The following BRF1 variants were observed in gnomAD, a reference collection of about 807,000 sequenced individuals.
BRF1 encodes BRF1 general transcription factor IIIB subunit.
A neutral mutation model predicts 81.7 loss-of-function variants in BRF1; 59 were observed. That is an observed-to-expected ratio of 0.72 (90% confidence interval 0.59 to 0.90). The LOEUF (loss-of-function observed/expected upper bound fraction) is 0.90. BRF1 is among the 40% of genes least tolerant of loss of function. The pLI is 0.00. For missense variants in BRF1, 1,050 were observed against 936.3 expected (o/e 1.12, Z -1.58); for synonymous variants, 491 against 395.6 (o/e 1.24, Z -2.86).
chr14:105,250,739 T>C (rs2055557901), intron 5 of BRF1: 6 of 1,475,382 alleles, frequency 4.1e-6, no homozygotes, highest in Non-Finnish European at 5.5e-6. Flanking sequence ...TAACTGCTTC[T>C]TGACACCATG....
intron 5 of BRF1, among the ~76,000 whole-genome samples, chr14:105,245,991 T>C (rs146870758): frequency 1.5e-4 from 23 of 152,286 alleles, no homozygotes; most frequent in African/African-American, 5.3e-4. Flanking sequence ...TCCTATAGAA[T>C]GGAAGAGACT....
chr14:105,294,286 T>G (rs963848423), intron 1 of BRF1, among the ~76,000 whole-genome samples: 1 of 152,218 alleles, frequency 6.6e-6, no homozygotes, highest in African/African-American at 2.4e-5. Flanking sequence ...AGAGTGTGCC[T>G]GGGCTCAGAG....
At position 105,210,650 on chromosome 14, in the gene BRF1, C is replaced by CT; in HGVS notation, c.1997-63_1997-62insA. 6.3e-7 allele frequency: 1 copy of CT among 1,580,250 alleles called. No homozygotes were observed. The highest frequency in any genetic ancestry group is 8.6e-7 in the Non-Finnish European group (1 of 1,160,512). ...GTGGGACCCAGGAGCCCAGACCCCC[C>CT]AACCCGCCCTGTTCCTGGTGCCCCC... On this transcript the variant is annotated intron_variant, in intron 17 of 17. Transcript: ENST00000547530. This position sits in a 1 kb window ranked among gnomAD's most constrained non-coding sequence, Gnocchi z 4.7.
At chr14:105,216,286 C>T (rs190979156) in intron 15 of BRF1, among the ~76,000 whole-genome samples, 2 of 152,338 alleles carry the variant, frequency 1.3e-5, no homozygotes, top group East Asian at 3.8e-4. Flanking sequence ...GGACCCCCAC[C>T]TCCAGCGCTG....
At chr14:105,218,193 C>T (rs112877470) in intron 14 of BRF1, among the ~76,000 whole-genome samples, 1 of 152,106 alleles carries the variant, frequency 6.6e-6, no homozygotes, top group South Asian at 2.1e-4. Context: ...TGAAGACAGA[C>T]AATCCACCCC....
intron 14 of BRF1, 40 bp downstream of exon 14, chr14:105,218,958 C>T: frequency 6.2e-7 from 1 of 1,612,934 alleles, no homozygotes; most frequent in Non-Finnish European, 8.5e-7. Flanking sequence ...GTAACCTGGA[C>T]ACCCCCAAGA....
chr14:105,248,829 T>G (rs2055349928), intron 5 of BRF1: 1 of 987,300 alleles, frequency 1.0e-6, no homozygotes, highest in South Asian at 4.6e-5. Flanking sequence ...GGGCGCGGCG[T>G]CCACAGGCGC....
Position 105,210,644 on chromosome 14 carries a change from ACCC to A in BRF1, c.1997-59_1997-57del. 2 of 1,584,718 alleles carry A rather than the reference ACCC, an allele frequency of 1.3e-6. No individual in the cohort carries two copies. The highest frequency in any genetic ancestry group is 1.7e-6 in the Non-Finnish European group (2 of 1,164,580). ...GTCTCTGTGGGACCCAGGAGCCCAG[ACCC>A]CCCAACCCGCCCTGTTCCTGGTGCC... On this transcript the variant is annotated intron_variant, in intron 17 of 17. Transcript: ENST00000547530. This position sits in a 1 kb window ranked among gnomAD's most constrained non-coding sequence, Gnocchi z 4.7.
At chr14:105,250,456 C>T (rs587724833) in intron 5 of BRF1, 2 of 1,614,022 alleles carry the variant, frequency 1.2e-6, no homozygotes, top group African/African-American at 2.7e-5. Flanking sequence ...GTAACACCTT[C>T]CCGGTCTGGT....
At chr14:105,228,590 C>T (rs1351719288) in intron 7 of BRF1, among the ~76,000 whole-genome samples, 1 of 151,608 alleles carries the variant, frequency 6.6e-6, no homozygotes, top group East Asian at 1.9e-4. Context: ...GATGCCTCCG[C>T]AGGATAGGGC....
At chr14:105,247,055 T>C in intron 5 of BRF1, 2 of 985,452 alleles carry the variant, frequency 2.0e-6, no homozygotes, top group South Asian at 4.7e-5. Context: ...TCCTGGAAAC[T>C]GCTTATGCCC....
At chr14:105,215,776 CTG>C (rs1416583941) in intron 15 of BRF1, among the ~76,000 whole-genome samples, 9 of 131,384 alleles carry the variant, frequency 6.9e-5, no homozygotes, top group Non-Finnish European at 1.4e-4. Flanking sequence ...TGCACACACA[CTG>C]CACACACACA....
chr14:105,295,842 G>A (rs2057715857), intron 1 of BRF1, among the ~76,000 whole-genome samples: 2 of 151,490 alleles, frequency 1.3e-5, no homozygotes, highest in South Asian at 2.1e-4. Flanking sequence ...ACTTTCAGGG[G>A]CCAAGGCAGG....
rs939284632 is a variant in BRF1 at position 105,247,188 on chromosome 14, T to C, written c.544+5319A>G. ...GCTGTGGCCTCGGTGGGTGTGTCCTTGGCGGGTGCATCCACACACTTTCTC... is the reference window on the plus strand; with the variant it reads ...GCTGTGGCCTCGGTGGGTGTGTCCTCGGCGGGTGCATCCACACACTTTCTC... On this transcript the variant is annotated intron_variant, in intron 5 of 17. Coordinates refer to ENST00000547530, the MANE Select transcript of BRF1 (RefSeq NM_001519.4). 8 of 985,346 alleles carry C rather than the reference T, an allele frequency of 8.1e-6. No individual in the cohort carries two copies. The African/African-American group carries it at 1.4e-4, about 17-fold the overall frequency. 61.0% of individuals were successfully genotyped at this position (985,346 alleles called of 1,614,324 possible).
chr14:105,282,810 G>C (rs1227930601), intron 2 of BRF1, among the ~76,000 whole-genome samples: 1 of 152,126 alleles, frequency 6.6e-6, no homozygotes, highest in Non-Finnish European at 1.5e-5. Flanking sequence ...GTGGGCACTT[G>C]TAACTCCAGC....
chr14:105,218,431 A>G (rs1325326830), intron 14 of BRF1, among the ~76,000 whole-genome samples: 1 of 152,094 alleles, frequency 6.6e-6, no homozygotes, highest in East Asian at 1.9e-4. Context: ...GGTCCTGCTG[A>G]GCGGGTAGGC....
intron 12 of BRF1, chr14:105,219,762 C>G (rs766419142): frequency 4.4e-5 from 22 of 501,854 alleles, no homozygotes; most frequent in Non-Finnish European, 6.1e-5. Context: ...TGTCTAGAGA[C>G]CCCTCGAGGG....
At chr14:105,253,785 G>C (rs1426884913) in intron 4 of BRF1, among the ~76,000 whole-genome samples, 1 of 152,242 alleles carries the variant, frequency 6.6e-6, no homozygotes, top group Non-Finnish European at 1.5e-5. Flanking sequence ...ACAAGGGCTG[G>C]TGGCTCACAG....
chr14:105,251,991 G>C (rs1225159358), intron 5 of BRF1, among the ~76,000 whole-genome samples: 1 of 152,084 alleles, frequency 6.6e-6, no homozygotes, highest in Non-Finnish European at 1.5e-5. Context: ...AACCACAAAA[G>C]AGGGCTGTGG....
Sources: gnomAD v4.1 joint callset for allele counts (sites outside exome capture counted in the v4.1 genomes callset) on GRCh38, gnomAD v4.1.1 for gene constraint, Gnocchi (gnomAD v3.1) non-coding constraint, MANE v1.5 for transcripts, NCBI Gene and HGNC (gene_info 2026-07-23, HGNC 2026-07-21) for gene names.